MGST1: variants seen among roughly 807,000 people sequenced by gnomAD.
MGST1 encodes glutathione S-transferase 12.
In MGST1, 5 loss-of-function variants were observed where a neutral mutation model predicts 8.9. The observed-to-expected ratio is 0.56, with a 90% CI of 0.29 to 1.19. MGST1 has a LOEUF of 1.19. Among genes scored for constraint, MGST1 ranks in the 50% most tolerant of loss-of-function variants. The pLI is 0.08. For missense variants in MGST1, 182 were observed against 187.4 expected, an observed-to-expected ratio of 0.97 and a Z score of 0.17; for synonymous variants, 54 against 67.8, an observed-to-expected ratio of 0.80 and a Z score of 1.00.
At chr12:16,349,151 T>C (rs1293315207) in intron 1 of MGST1, 1 of 152,154 alleles carries the variant, frequency 6.6e-6, no homozygotes, top group African/African-American at 2.4e-5. Flanking sequence ...CTTTATCTCA[T>C]GTGTAGTGTT....
intron 4 of MGST1, among the ~76,000 whole-genome samples, chr12:16,502,096 C>G (rs952884007): frequency 1.3e-5 from 2 of 151,996 alleles, no homozygotes; most frequent in Non-Finnish European, 2.9e-5. Flanking sequence ...ATATGATTGT[C>G]GAAGACAAAT....
downstream of MGST1, among the ~76,000 whole-genome samples, chr12:16,441,199 A>T (rs1406885328): frequency 6.6e-6 from 1 of 151,766 alleles, no homozygotes; most frequent in Admixed American, 6.6e-5. Context: ...GCAGTTTTAG[A>T]TTCATGGCAA....
chr12:16,412,680 G>T (rs370086956), intron 1 of MGST1, among the ~76,000 whole-genome samples: 1 of 152,104 alleles, frequency 6.6e-6, no homozygotes, highest in African/African-American at 2.4e-5. Context: ...CATGAGATCC[G>T]ATGGTTTTAT....
rs1418484192 is a variant in MGST1, at chr12:16,585,172, T to C, written n.483-4356T>C. On this transcript the variant is annotated intron_variant and non_coding_transcript_variant, in intron 4 of 4. Coordinates refer to the MGST1 transcript ENST00000538857. This position sits in a 1 kb window ranked among gnomAD's most constrained non-coding sequence, Gnocchi z 4.7. ...TGCAAGCCCCAGTTCACAACGTTAT[T>C]TTTCCTTCCAGACTCCGGAACCTGG... is the stretch of plus-strand genomic sequence containing the variant. Among the ~76,000 whole-genome samples, 1 of 152,198 alleles carries C rather than the reference T, an allele frequency of 6.6e-6. No individual in the cohort carries two copies. The highest frequency in any genetic ancestry group is 2.4e-5 in the African/African-American group (1 of 41,458).
At chr12:16,377,809 T>C (rs993648119), downstream of MGST1, among the ~76,000 whole-genome samples, 7 of 151,442 alleles carry the variant, frequency 4.6e-5, no homozygotes, top group African/African-American at 1.5e-4. Context: ...CAGCACCTGT[T>C]GTTTCCTGAC....
chr12:16,565,537 A>G (rs1276194460), intron 4 of MGST1, among the ~76,000 whole-genome samples: 1 of 152,212 alleles, frequency 6.6e-6, no homozygotes, highest in Admixed American at 6.5e-5. Flanking sequence ...TAAATGTATT[A>G]TGAAAGTTAA....
At chr12:16,383,266 T>A (rs965426899) in exon 1 of MGST1, 2 of 152,794 alleles carry the variant, frequency 1.3e-5, no homozygotes, top group South Asian at 2.1e-4. Context: ...CCGGAGCTGT[T>A]CCTATTCGGC....
At chr12:16,414,849 C>T (rs1446642292) in intron 1 of MGST1, among the ~76,000 whole-genome samples, 1 of 151,996 alleles carries the variant, frequency 6.6e-6, no homozygotes, top group Admixed American at 6.6e-5. Flanking sequence ...ATGGTGAAAC[C>T]CCATTTCTAC....
At position 16,363,267 on chromosome 12, in the gene MGST1, G is replaced by A. The variant is rs1940079231; in HGVS notation, c.222-528G>A. Reference sequence around the variant, plus strand: ...TATGTATTCTGTTATTTAGATATAAGAGCATGAGAGTCTTGATATTAAATT... The same window carrying A: ...TATGTATTCTGTTATTTAGATATAAAAGCATGAGAGTCTTGATATTAAATT... On this transcript the variant is annotated intron_variant, in intron 3 of 3. Coordinates refer to ENST00000396210, the MANE Select transcript of MGST1 (RefSeq NM_020300.5). This position sits in a 1 kb window ranked among gnomAD's most constrained non-coding sequence, Gnocchi z 4.6. 6.6e-6 allele frequency: 1 copy of A among 152,160 alleles called. No homozygotes were observed. The highest frequency in any genetic ancestry group is 1.9e-4 in the East Asian group (1 of 5,168). 9.4% of individuals were successfully genotyped at this position (152,160 alleles called of 1,614,324 possible).
intron 2 of MGST1, among the ~76,000 whole-genome samples, chr12:16,355,235 G>T: frequency 6.9e-6 from 1 of 144,468 alleles, no homozygotes; most frequent in South Asian, 2.2e-4. Flanking sequence ...GTGAGATGGA[G>T]TCTCACTCTG....
intron 4 of MGST1, among the ~76,000 whole-genome samples, chr12:16,583,426 A>G (rs113969159): frequency 3.3e-5 from 5 of 152,324 alleles, no homozygotes; most frequent in African/African-American, 1.2e-4. Flanking sequence ...TTGACAGTCA[A>G]GTAATTGTAG....
At chr12:16,510,794 C>T (rs1050645145) in intron 4 of MGST1, among the ~76,000 whole-genome samples, 9 of 152,070 alleles carry the variant, frequency 5.9e-5, no homozygotes, top group African/African-American at 2.2e-4. Flanking sequence ...CGAAGGATGA[C>T]TTAGTCAGGA....
At chr12:16,373,673 C>T (rs2137027517) in intron 3 of MGST1, among the ~76,000 whole-genome samples, 1 of 152,122 alleles carries the variant, frequency 6.6e-6, no homozygotes, top group African/African-American at 2.4e-5. Context: ...ACTGAAATTT[C>T]TCTCATTATT....
intron 1 of MGST1, among the ~76,000 whole-genome samples, chr12:16,422,234 C>G (rs1940844420): frequency 6.6e-6 from 1 of 152,158 alleles, no homozygotes; most frequent in Non-Finnish European, 1.5e-5. Flanking sequence ...CCCATCTATT[C>G]TCTATAGTGT....
chr12:16,401,192 CA>C lies in MGST1; in HGVS notation n.778+17589del, dbSNP rs200561259. ...GTGAGAACAGTAGCTGGGCCATCCT[CA>C]TCCATAAGCACTGTGTCACTAAGGA... is the stretch of plus-strand genomic sequence containing the variant. On this transcript the variant is annotated intron_variant and non_coding_transcript_variant, in intron 1 of 1. Transcript: ENST00000359720. The surrounding 1 kb of genome is among the most constrained non-coding windows in gnomAD (Gnocchi z 4.3). 3,774 of 1,557,612 alleles carry C rather than the reference CA, an allele frequency of 2.4e-3. 141 individuals are homozygous for C. In the Admixed American group the frequency reaches 0.06, roughly 25 times the overall value.
At chr12:16,489,520 T>A (rs957068047) in intron 4 of MGST1, among the ~76,000 whole-genome samples, 2 of 152,230 alleles carry the variant, frequency 1.3e-5, no homozygotes, top group Non-Finnish European at 2.9e-5. Context: ...ATCACTGTTT[T>A]GGATTTCTAC....
intron 1 of MGST1, among the ~76,000 whole-genome samples, chr12:16,349,970 T>TCCTGA (rs1209015979): frequency 1.3e-5 from 2 of 152,096 alleles, no homozygotes; most frequent in African/African-American, 4.8e-5. Flanking sequence ...GGTCTCGATC[T>TCCTGA]CCTGACCTCG....
intron 4 of MGST1, among the ~76,000 whole-genome samples, chr12:16,481,874 C>T (rs1359045080): frequency 6.6e-6 from 1 of 152,062 alleles, no homozygotes; most frequent in African/African-American, 2.4e-5. Context: ...AGAAAGTCCT[C>T]AAGCTTCATA....
At chr12:16,414,127 G>A (rs7308282) in intron 1 of MGST1, among the ~76,000 whole-genome samples, 51,305 of 151,340 alleles carry the variant, frequency 0.34, 8,811 homozygotes, top group East Asian at 0.43. Flanking sequence ...TTGGTGCTCA[G>A]AAAGGCTCTC....
Sources: gnomAD v4.1 joint callset for allele counts (sites outside exome capture counted in the v4.1 genomes callset) on GRCh38, gnomAD v4.1.1 for gene constraint, Gnocchi (gnomAD v3.1) non-coding constraint, MANE v1.5 for transcripts, NCBI Gene and HGNC (gene_info 2026-07-23, HGNC 2026-07-21) for gene names.